JPH1: variants seen among roughly 807,000 people sequenced by gnomAD.
The protein encoded by JPH1 is junctophilin-1.
A neutral mutation model predicts 53.6 loss-of-function variants in JPH1; 12 were observed. The ratio of observed to expected loss-of-function variants is 0.22; its 90% CI spans 0.14 to 0.36. JPH1 has a LOEUF of 0.36. Ranked by LOEUF, JPH1 falls within the 10% of genes least tolerant of loss-of-function variation. JPH1 has a pLI of 1.00. For missense variants in JPH1, 808 were observed against 905.5 expected (o/e 0.89, Z 1.38); for synonymous variants, 375 against 363.8 (o/e 1.03, Z -0.35).
intron 2 of JPH1, among the ~76,000 whole-genome samples, chr8:74,301,803 G>A (rs1390075293): frequency 6.6e-6 from 1 of 152,072 alleles, no homozygotes; most frequent in African/African-American, 2.4e-5. Context: ...ATGATTGTTT[G>A]GCTCACAAGA....
intron 2 of JPH1, among the ~76,000 whole-genome samples, chr8:74,286,322 T>C (rs948241002): frequency 6.6e-6 from 1 of 152,248 alleles, no homozygotes; most frequent in African/African-American, 2.4e-5. Flanking sequence ...ATTTATGGGG[T>C]ACAGTGTGAT....
rs1805787303 is a variant in JPH1 at position 74,244,444 on chromosome 8, G to T, written c.1905+85C>A. 5 of 1,423,322 alleles carry T rather than the reference G, an allele frequency of 3.5e-6. No individual in the cohort carries two copies. In the East Asian group the frequency reaches 1.1e-4, roughly 32 times the overall value. 88.2% of individuals were successfully genotyped at this position (1,423,322 alleles called of 1,614,324 possible). On this transcript the variant is annotated intron_variant, in intron 4 of 5. Coordinates refer to ENST00000342232, the MANE Select transcript of JPH1 (RefSeq NM_020647.4). ...CTAGAACCTTGGTTAGCCTGGCTGT[G>T]ATCAAGATGCACAGTCACCCCACAC...
At chr8:74,294,987 G>A (rs1807463641) in intron 2 of JPH1, among the ~76,000 whole-genome samples, 1 of 152,222 alleles carries the variant, frequency 6.6e-6, no homozygotes, top group African/African-American at 2.4e-5. Context: ...GGCACAGAGT[G>A]TGTGCTTTAC....
At chr8:74,288,897 A>G (rs1050674046) in intron 2 of JPH1, among the ~76,000 whole-genome samples, 14 of 152,196 alleles carry the variant, frequency 9.2e-5, no homozygotes, top group Non-Finnish European at 4.4e-5. Flanking sequence ...TTTCAGGTAA[A>G]AGCTTGTAGA....
intron 2 of JPH1, among the ~76,000 whole-genome samples, chr8:74,311,458 C>T (rs1238902208): frequency 2.0e-5 from 3 of 151,894 alleles, no homozygotes; most frequent in Admixed American, 1.3e-4. Context: ...AGCTAAAAGT[C>T]CTATCTCCCA....
At chr8:74,285,127 G>T (rs1807125475) in intron 2 of JPH1, among the ~76,000 whole-genome samples, 1 of 151,850 alleles carries the variant, frequency 6.6e-6, no homozygotes, top group Admixed American at 6.6e-5. Context: ...CTAGCCTATG[G>T]TTACTATTTC....
Position 74,315,293 on chromosome 8 carries a change from C to T in JPH1, c.707G>A (p.Arg236His). 6.2e-7 allele frequency: 1 copy of T among 1,614,070 alleles called. No individual in the cohort carries two copies. Among genetic ancestry groups the T allele is most frequent in the Non-Finnish European group, 8.5e-7 (1 of 1,180,046 alleles). ...SESKSSISSK[R>H]SSVRSDAAMS... ...GGCCGCGTCGCTGCGGACAGAGCTG[C>T]GCTTGCTCGAGATGGAAGACTTGGA... Residue 236 changes from arginine (R) to histidine (H), a missense_variant, in exon 2 of 6, where the codon CGC becomes CAC. Arg to His is a conservative substitution (Grantham distance 29, BLOSUM62 0). Around this residue, in one of 2 missense-constraint regions of JPH1, gnomAD observed 756 missense variants for 811.9 expected, o/e 0.93. Coordinates refer to ENST00000342232, the MANE Select transcript of JPH1 (RefSeq NM_020647.4). This position sits in a 1 kb window ranked among gnomAD's most constrained non-coding sequence, Gnocchi z 6.3.
At chr8:74,251,354 T>C (rs1193569684) in intron 3 of JPH1, among the ~76,000 whole-genome samples, 1 of 152,206 alleles carries the variant, frequency 6.6e-6, no homozygotes, top group African/African-American at 2.4e-5. Flanking sequence ...ATCCTATTAC[T>C]TAGGATCACC....
At chr8:74,276,599 C>T (rs1806856180) in intron 2 of JPH1, among the ~76,000 whole-genome samples, 1 of 152,220 alleles carries the variant, frequency 6.6e-6, no homozygotes, top group Non-Finnish European at 1.5e-5. Context: ...CCAGGTTTAA[C>T]TAGCATTATC....
At chr8:74,288,770 G>A (rs1178566147) in intron 2 of JPH1, among the ~76,000 whole-genome samples, 8 of 152,176 alleles carry the variant, frequency 5.3e-5, no homozygotes, top group South Asian at 4.1e-4. Flanking sequence ...TTAGGTTGGC[G>A]CAAAAATAGC....
intron 4 of JPH1, 118 bp from the exon 5 acceptor site, chr8:74,237,421 A>AC (rs1807033704): frequency 1.3e-6 from 1 of 772,388 alleles, no homozygotes; most frequent in Non-Finnish European, 2.2e-6. Context: ...TAAGGCATAA[A>AC]AGATGACAGC....
At chr8:74,283,345 T>G (rs1807068064) in intron 2 of JPH1, among the ~76,000 whole-genome samples, 2 of 152,138 alleles carry the variant, frequency 1.3e-5, no homozygotes, top group Non-Finnish European at 2.9e-5. Flanking sequence ...AAAACAACAC[T>G]ACATTTTTCA....
chr8:74,287,472 T>G (rs940473216), intron 2 of JPH1, among the ~76,000 whole-genome samples: 3 of 152,060 alleles, frequency 2.0e-5, no homozygotes, highest in Non-Finnish European at 4.4e-5. Flanking sequence ...CTTGTAATGT[T>G]AAGGAAAAAA....
intron 4 of JPH1, among the ~76,000 whole-genome samples, chr8:74,241,985 G>A (rs757918714): frequency 1.3e-5 from 2 of 152,050 alleles, no homozygotes; most frequent in South Asian, 4.2e-4. Context: ...CAAAAATTTC[G>A]GGATCACATT....
intron 2 of JPH1, among the ~76,000 whole-genome samples, chr8:74,271,923 G>A (rs746038058): frequency 9.2e-5 from 14 of 152,152 alleles, no homozygotes; most frequent in Non-Finnish European, 1.3e-4. Context: ...CTGGAAAACG[G>A]CATTTGTTCC....
intron 2 of JPH1, among the ~76,000 whole-genome samples, chr8:74,292,895 C>A (rs1250405378): frequency 1.3e-5 from 2 of 152,164 alleles, no homozygotes; most frequent in Admixed American, 1.3e-4. Context: ...GCTGTTTAAA[C>A]TTCATAGCAG....
intron 2 of JPH1, among the ~76,000 whole-genome samples, chr8:74,281,514 G>A (rs1218942251): frequency 2.6e-5 from 4 of 152,126 alleles, no homozygotes; most frequent in South Asian, 2.1e-4. Flanking sequence ...AAATAGCCTC[G>A]TACTTTTTAA....
In JPH1 at chr8:74,320,827, G is replaced by A. The variant is rs1808296918; in HGVS notation, c.379+82C>T. 7.2e-7 allele frequency: 1 copy of A among 1,391,602 alleles called. No individual in the cohort carries two copies. The highest frequency in any genetic ancestry group is 9.4e-7 in the Non-Finnish European group (1 of 1,069,256). 86.2% of individuals were successfully genotyped at this position (1,391,602 alleles called of 1,614,324 possible). A position where few individuals can be genotyped will look rare whatever the true frequency, so the allele number is the denominator to read the frequency against. ...GGGTTTCCGGACACGTGCGCCCGGCGTCCTCCCCGCTTCCCCGCAGCCGGG... is the reference window on the plus strand; with the variant it reads ...GGGTTTCCGGACACGTGCGCCCGGCATCCTCCCCGCTTCCCCGCAGCCGGG... On this transcript the variant is annotated intron_variant, in intron 1 of 5. Transcript: ENST00000342232. The surrounding 1 kb of genome is among the most constrained non-coding windows in gnomAD (Gnocchi z 4.4).
chr8:74,321,375 C>G lies in JPH1; in HGVS notation c.-88G>C. On this transcript the variant is annotated 5_prime_UTR_variant, in exon 1 of 6. Transcript: ENST00000342232. The surrounding 1 kb of genome is among the most constrained non-coding windows in gnomAD (Gnocchi z 4.3). Reference sequence around the variant, plus strand: ...AGGGTGTAGCTCGGGGGTGGGGGCCCGGCGGGCGAGCTCACGACAGCGCCC... The same window carrying G: ...AGGGTGTAGCTCGGGGGTGGGGGCCGGGCGGGCGAGCTCACGACAGCGCCC... The G allele has an allele frequency of 7.6e-7, 1 of 1,314,514 alleles. No individual in the cohort carries two copies. Among genetic ancestry groups the G allele is most frequent in the South Asian group, 1.7e-5 (1 of 59,804 alleles). The allele number at this position is 1,314,514 out of a possible 1,614,324, so 81.4% of individuals were successfully genotyped here.
Sources: gnomAD v4.1 joint callset for allele counts (sites outside exome capture counted in the v4.1 genomes callset) on GRCh38, gnomAD v4.1.1 for gene constraint, gnomAD v4.1.1 regional missense constraint, Gnocchi (gnomAD v3.1) non-coding constraint, MANE v1.5 for transcripts, NCBI Gene and HGNC (gene_info 2026-07-23, HGNC 2026-07-21) for gene names.